Variants in VEPH1 observed in about 807,000 individuals in gnomAD.
VEPH1 encodes ventricular zone expressed PH domain containing 1, also known as ventricular zone-expressed PH domain-containing protein homolog 1.
In VEPH1, 80 loss-of-function variants were observed where a neutral mutation model predicts 85.2. The observed-to-expected ratio is 0.94, with a 90% CI of 0.78 to 1.13. The LOEUF (loss-of-function observed/expected upper bound fraction) is 1.13. Ranked by LOEUF, VEPH1 falls within the 50% of genes most tolerant of loss-of-function variation. VEPH1 has a pLI of 0.00. For synonymous variants in VEPH1, 297 were observed against 348.0 expected (o/e 0.85, Z 1.63); for missense variants, 955 against 980.5 (o/e 0.97, Z 0.35).
Position 157,284,667 on chromosome 3 carries a change from T to A in VEPH1, c.2128+1890A>T, listed in dbSNP as rs1048133683. 5.5e-3 allele frequency among the ~76,000 whole-genome samples: 401 copies of A among 72,632 alleles called. 1 individual carries two copies. Among genetic ancestry groups the A allele is most frequent in the African/African-American group, 0.013 (301 of 23,774 alleles). 47.6% of individuals were successfully genotyped at this position (72,632 alleles called of 152,430 possible). On this transcript the variant is annotated intron_variant, in intron 12 of 13. Transcript: ENST00000362010. ...CTATCCAGGGAGTCAAGGGTTTTGG[T>A]GAAAAAAAAAAAAAACAGTTTAAAA...
chr3:157,356,354 G>C (rs1725430880), intron 9 of VEPH1, among the ~76,000 whole-genome samples: 1 of 152,154 alleles, frequency 6.6e-6, no homozygotes, highest in Admixed American at 6.5e-5. Flanking sequence ...CTCAATCCAA[G>C]TAGACTCTGT....
intron 9 of VEPH1, among the ~76,000 whole-genome samples, chr3:157,326,618 G>A (rs891593034): frequency 1.2e-4 from 19 of 152,188 alleles, no homozygotes; most frequent in African/African-American, 4.3e-4. Flanking sequence ...AATATAGAAT[G>A]GAACAAGTAA....
At chr3:157,332,643 T>G (rs1204833885) in intron 9 of VEPH1, among the ~76,000 whole-genome samples, 1 of 152,232 alleles carries the variant, frequency 6.6e-6, no homozygotes, top group Non-Finnish European at 1.5e-5. Flanking sequence ...TCCTCATTCA[T>G]TCATGGACAA....
rs1453836823 is a variant in VEPH1 at position 157,280,462 on chromosome 3, C to T, written c.2128+6095G>A. 2.0e-5 allele frequency among the ~76,000 whole-genome samples: 3 copies of T among 152,180 alleles called. No individual in the cohort carries two copies. In the East Asian group the frequency reaches 5.8e-4, roughly 29 times the overall value. On this transcript the variant is annotated intron_variant, in intron 12 of 13. Coordinates refer to ENST00000362010, the MANE Select transcript of VEPH1 (RefSeq NM_001167912.2). Reference sequence around the variant, plus strand: ...AGATTGTTGACCCAATATGGAAAGGCAGAGGAGTAGGAAAGTGATGCTGGA... The same window carrying T: ...AGATTGTTGACCCAATATGGAAAGGTAGAGGAGTAGGAAAGTGATGCTGGA...
At chr3:157,407,921 G>A (rs1180558186) in intron 6 of VEPH1, among the ~76,000 whole-genome samples, 1 of 152,134 alleles carries the variant, frequency 6.6e-6, no homozygotes. Flanking sequence ...AGTCAAGAGA[G>A]GTGATGTAAG....
At chr3:157,500,233 A>G (rs574817934) in intron 1 of VEPH1, among the ~76,000 whole-genome samples, 1 of 152,340 alleles carries the variant, frequency 6.6e-6, no homozygotes, top group South Asian at 2.1e-4. Flanking sequence ...TTCTTTAAAC[A>G]GTTAACAGTG....
chr3:157,415,353 C>T (rs940255831), intron 5 of VEPH1: 2 of 152,076 alleles, frequency 1.3e-5, no homozygotes, highest in African/African-American at 4.8e-5. Context: ...ATAATCACAT[C>T]AGAAATGAAC....
intron 6 of VEPH1, among the ~76,000 whole-genome samples, chr3:157,385,480 T>C (rs1055621214): frequency 6.6e-6 from 1 of 152,146 alleles, no homozygotes; most frequent in African/African-American, 2.4e-5. Flanking sequence ...GTATTGGCCA[T>C]ATTGGAAGTT....
At chr3:157,369,281 G>A (rs1577470571) in intron 7 of VEPH1, among the ~76,000 whole-genome samples, 1 of 150,876 alleles carries the variant, frequency 6.6e-6, no homozygotes, top group East Asian at 1.9e-4. Flanking sequence ...ATGGCACAGT[G>A]CTATTTGGTA....
intron 12 of VEPH1, among the ~76,000 whole-genome samples, chr3:157,271,027 TG>T (rs1033505993): frequency 2.6e-5 from 4 of 151,944 alleles, no homozygotes; most frequent in African/African-American, 7.3e-5. Context: ...GGTAGGTGTG[TG>T]GGGGAAAACA....
At chr3:157,423,361 A>AT (rs1178429357) in intron 5 of VEPH1, among the ~76,000 whole-genome samples, 1 of 152,218 alleles carries the variant, frequency 6.6e-6, no homozygotes, top group Non-Finnish European at 1.5e-5. Flanking sequence ...CCTTGAAGCA[A>AT]TAGCAGCAGC....
At chr3:157,479,298 C>T (rs1391887560) in intron 2 of VEPH1, among the ~76,000 whole-genome samples, 1 of 152,158 alleles carries the variant, frequency 6.6e-6, no homozygotes, top group African/African-American at 2.4e-5. Context: ...AGTGACCTAG[C>T]CATTGTCAAT....
intron 12 of VEPH1, among the ~76,000 whole-genome samples, chr3:157,282,094 A>G (rs905575202): frequency 5.3e-5 from 8 of 152,232 alleles, no homozygotes; most frequent in African/African-American, 1.9e-4. Flanking sequence ...CTCCTGACAC[A>G]GGAGGCATTT....
chr3:157,410,796 T>C (rs955074096), intron 6 of VEPH1, among the ~76,000 whole-genome samples: 3 of 152,148 alleles, frequency 2.0e-5, no homozygotes, highest in Admixed American at 1.3e-4. Flanking sequence ...TCAAATAATA[T>C]CAGAGCATAC....
chr3:157,408,345 A>T (rs551245548), intron 6 of VEPH1, among the ~76,000 whole-genome samples: 5 of 152,180 alleles, frequency 3.3e-5, no homozygotes, highest in African/African-American at 1.2e-4. Flanking sequence ...GCTCAGAAGT[A>T]TACAGCCCTC....
At chr3:157,475,869 A>G (rs548031298) in intron 2 of VEPH1, among the ~76,000 whole-genome samples, 1 of 152,344 alleles carries the variant, frequency 6.6e-6, no homozygotes, top group South Asian at 2.1e-4. Context: ...GGCAAGAGAA[A>G]TGGCTTGGCT....
intron 4 of VEPH1, among the ~76,000 whole-genome samples, chr3:157,434,886 A>G (rs1733432015): frequency 6.6e-6 from 1 of 152,132 alleles, no homozygotes; most frequent in African/African-American, 2.4e-5. Context: ...GCAAAGCAAA[A>G]TTAATTAATT....
intron 7 of VEPH1, among the ~76,000 whole-genome samples, chr3:157,372,284 A>G (rs1727588397): frequency 1.3e-5 from 2 of 152,364 alleles, no homozygotes; most frequent in South Asian, 4.1e-4. Flanking sequence ...ATAGTTACCC[A>G]GAAATGGAGG....
intron 9 of VEPH1, among the ~76,000 whole-genome samples, chr3:157,324,145 C>T (rs563714192): frequency 8.8e-4 from 134 of 152,182 alleles, no homozygotes; most frequent in Non-Finnish European, 1.4e-3. Flanking sequence ...ACCTCCACCT[C>T]CCAGGTTCAA....
Sources: gnomAD v4.1 joint callset for allele counts (sites outside exome capture counted in the v4.1 genomes callset) on GRCh38, gnomAD v4.1.1 for gene constraint, MANE v1.5 for transcripts, NCBI Gene and HGNC (gene_info 2026-07-23, HGNC 2026-07-21) for gene names.